ASAP2: variants seen among roughly 807,000 people sequenced by gnomAD.
ASAP2 encodes ArfGAP with SH3 domain, ankyrin repeat and PH domain 2, also known as arf-GAP with SH3 domain, ANK repeat and PH domain-containing protein 2.
ASAP2 carries 45 observed loss-of-function variants against 131.4 expected under a neutral mutation model. The ratio of observed to expected loss-of-function variants is 0.34; its 90% CI spans 0.27 to 0.44. The LOEUF is 0.44. Ranked by LOEUF, ASAP2 falls within the 20% of genes least tolerant of loss-of-function variation. The probability of loss-of-function intolerance (pLI) is 1.00; values close to 1 mark genes in which losing one functional copy is unlikely to be tolerated. For missense variants in ASAP2, 1,011 were observed against 1,297.0 expected, an observed-to-expected ratio of 0.78 and a Z score of 3.39; for synonymous variants, 510 against 503.0, an observed-to-expected ratio of 1.01 and a Z score of -0.19.
At chr2:9,260,839 T>G (rs1665527744) in intron 1 of ASAP2, among the ~76,000 whole-genome samples, 1 of 152,220 alleles carries the variant, frequency 6.6e-6, no homozygotes, top group Admixed American at 6.5e-5. Flanking sequence ...CCGGATTGTG[T>G]AACCTGGACA....
intron 15 of ASAP2, 149 bp downstream of exon 15, chr2:9,359,038 T>C (rs1672907914): frequency 3.8e-6 from 4 of 1,053,572 alleles, no homozygotes; most frequent in Non-Finnish European, 5.4e-6. Context: ...TGATAATTCT[T>C]CATTTTTAGC....
At chr2:9,347,890 C>T (rs887957707) in intron 11 of ASAP2, among the ~76,000 whole-genome samples, 1 of 152,142 alleles carries the variant, frequency 6.6e-6, no homozygotes, top group Non-Finnish European at 1.5e-5. Flanking sequence ...CTTCTAAAAG[C>T]CTGACAAATC....
chr2:9,285,563 A>C (rs1667410057), intron 2 of ASAP2, among the ~76,000 whole-genome samples: 1 of 152,162 alleles, frequency 6.6e-6, no homozygotes, highest in South Asian at 2.1e-4. Context: ...ACTGTTTGCC[A>C]CTCAGTGATG....
chr2:9,271,644 T>C, intron 1 of ASAP2: 2 of 894,340 alleles, frequency 2.2e-6, no homozygotes, highest in Non-Finnish European at 3.3e-6. Context: ...CCAATTTCTT[T>C]TTCTCGGTGG....
intron 1 of ASAP2, among the ~76,000 whole-genome samples, chr2:9,235,168 T>G (rs1286617469): frequency 6.6e-6 from 1 of 152,128 alleles, no homozygotes; most frequent in African/African-American, 2.4e-5. Flanking sequence ...GGCTACAGAG[T>G]GACTAATGGT....
chr2:9,378,060 G>A (rs1170030986), intron 18 of ASAP2, among the ~76,000 whole-genome samples: 2 of 152,180 alleles, frequency 1.3e-5, no homozygotes, highest in Non-Finnish European at 2.9e-5. Context: ...GACAAAAGTG[G>A]GGGAGAATTC....
rs185694217 is a variant in ASAP2 at position 9,266,491 on chromosome 2, A to C, written c.127-12826A>C. On this transcript the variant is annotated intron_variant, in intron 1 of 27. Transcript: ENST00000281419. ...GCTGCCTTACTTGTGTTTTGTCCTC[A>C]GTGCTGTTCCTGTGCGGGTGGTGGG... 2.0e-3 allele frequency among the ~76,000 whole-genome samples: 299 copies of C among 152,146 alleles called. 1 individual carries two copies. Among genetic ancestry groups the C allele is most frequent in the African/African-American group, 6.7e-3 (279 of 41,508 alleles).
At chr2:9,317,492 C>T (rs1432373629) in intron 3 of ASAP2, among the ~76,000 whole-genome samples, 1 of 150,290 alleles carries the variant, frequency 6.7e-6, no homozygotes, top group Non-Finnish European at 1.5e-5. Context: ...TACACCCTTA[C>T]ACACCCACTT....
At chr2:9,400,263 T>TCTTCCCCTCCTGCCCC (rs1676535869) in intron 25 of ASAP2, among the ~76,000 whole-genome samples, 191 bp downstream of exon 25, 1 of 29,156 alleles carries the variant, frequency 3.4e-5, no homozygotes, top group Non-Finnish European at 6.4e-5. Context: ...CCTCCTGCCC[T>TCTTCCCCTCCTGCCCC]CTTCCTCTCC....
chr2:9,235,222 A>T (rs942036198), intron 1 of ASAP2, among the ~76,000 whole-genome samples: 2 of 152,120 alleles, frequency 1.3e-5, no homozygotes, highest in Non-Finnish European at 2.9e-5. Context: ...TTTGAACCTG[A>T]TGAGTTAGAT....
intron 1 of ASAP2, among the ~76,000 whole-genome samples, chr2:9,254,208 CAAAAAAA>C (rs1167547534): frequency 1.3e-3 from 20 of 15,618 alleles, no homozygotes; most frequent in African/African-American, 6.4e-3. Flanking sequence ...GAGACTGTCT[CAAAAAAA>C]AAAAAAAAAA....
chr2:9,341,545 CA>C (rs1671578034), intron 9 of ASAP2, among the ~76,000 whole-genome samples: 1 of 152,324 alleles, frequency 6.6e-6, no homozygotes, highest in South Asian at 2.1e-4. Context: ...ATATGCGCGG[CA>C]CGAACAGTGT....
intron 7 of ASAP2, among the ~76,000 whole-genome samples, chr2:9,332,269 T>C (rs893472027): frequency 6.6e-6 from 1 of 152,118 alleles, no homozygotes; most frequent in African/African-American, 2.4e-5. Context: ...AGGACTGTCA[T>C]AGGGACAGCA....
chr2:9,323,285 G>A (rs750672904), intron 6 of ASAP2, 35 bp downstream of exon 6: 2 of 1,612,204 alleles, frequency 1.2e-6, no homozygotes, highest in Admixed American at 3.3e-5. Flanking sequence ...CTACAGCCCA[G>A]GCTGTGCCGG....
chr2:9,213,617 G>C (rs967844689), intron 1 of ASAP2, among the ~76,000 whole-genome samples: 3 of 152,272 alleles, frequency 2.0e-5, no homozygotes, highest in South Asian at 4.1e-4. Flanking sequence ...GAGGTAGCAG[G>C]GGGGGTGGTG....
At chr2:9,395,668 C>T (rs1184043279) in intron 24 of ASAP2, among the ~76,000 whole-genome samples, 4 of 117,930 alleles carry the variant, frequency 3.4e-5, no homozygotes, top group Non-Finnish European at 4.8e-5. Flanking sequence ...AGTGCGGTGG[C>T]GCGATCTTGG....
Position 9,232,877 on chromosome 2 carries a change from G to A in ASAP2, c.126+25647G>A, listed in dbSNP as rs1487940544. On this transcript the variant is annotated intron_variant, in intron 1 of 27. Transcript: ENST00000281419. This position sits in a 1 kb window ranked among gnomAD's most constrained non-coding sequence, Gnocchi z 4.1. Reference sequence around the variant, plus strand: ...TAAATCCTTAAAAAAGTAAAAATATGTTTGTGCCCTTGTACAGAGGGGCTG... The same window carrying A: ...TAAATCCTTAAAAAAGTAAAAATATATTTGTGCCCTTGTACAGAGGGGCTG... Among the ~76,000 whole-genome samples the A allele has an allele frequency of 1.3e-5, 2 of 152,206 alleles. No individual in the cohort carries two copies. The highest frequency in any genetic ancestry group is 4.8e-5 in the African/African-American group (2 of 41,452).
intron 1 of ASAP2, among the ~76,000 whole-genome samples, chr2:9,221,855 G>A (rs761205865): frequency 1.3e-5 from 2 of 152,228 alleles, no homozygotes; most frequent in South Asian, 2.1e-4. Flanking sequence ...AGTGCATGGC[G>A]CCATCTCGGC....
intron 1 of ASAP2, among the ~76,000 whole-genome samples, chr2:9,209,106 G>A (rs1239515337): frequency 1.3e-5 from 2 of 152,210 alleles, no homozygotes; most frequent in East Asian, 3.8e-4. Flanking sequence ...ATTACAAAGA[G>A]ACTGGATTTG....
Sources: gnomAD v4.1 joint callset for allele counts (sites outside exome capture counted in the v4.1 genomes callset) on GRCh38, gnomAD v4.1.1 for gene constraint, Gnocchi (gnomAD v3.1) non-coding constraint, MANE v1.5 for transcripts, NCBI Gene and HGNC (gene_info 2026-07-23, HGNC 2026-07-21) for gene names.